ZNF678: variants seen among roughly 807,000 people sequenced by gnomAD.
ZNF678 encodes zinc finger protein 678, also known as hypothetical protein MGC42493.
A neutral mutation model predicts 3.0 loss-of-function variants in ZNF678; 5 were observed. That is an observed-to-expected ratio of 1.69 (90% confidence interval 0.88 to 3.56). The LOEUF (loss-of-function observed/expected upper bound fraction) is 3.56, where lower values mean the gene tolerates loss of function less well. ZNF678 is among the 30% of genes most tolerant of loss of function. The pLI is 0.00. For synonymous variants in ZNF678, 218 were observed against 199.6 expected (o/e 1.09, Z -0.78); for missense variants, 593 against 605.0 (o/e 0.98, Z 0.21).
Position 227,660,786 on chromosome 1 carries a change from T to G in ZNF678, c.*4958T>G, listed in dbSNP as rs765046784. 8 of 152,288 alleles carry G rather than the reference T, an allele frequency of 5.3e-5. No homozygotes were observed. Among genetic ancestry groups the G allele is most frequent in the East Asian group, 3.9e-4 (2 of 5,182 alleles). 9.4% of individuals were successfully genotyped at this position (152,288 alleles called of 1,614,324 possible). A position where few individuals can be genotyped will look rare whatever the true frequency, so the allele number is the denominator to read the frequency against. On this transcript the variant is annotated 3_prime_UTR_variant, in exon 4 of 4. Transcript: ENST00000343776. ...GATATATTTGCCTTACTATAACTCT[T>G]AGAAAAAAGGCTTACAACTTTTGAA... is the stretch of plus-strand genomic sequence containing the variant.
rs1657989652 is a variant in ZNF678, at chr1:227,610,491, C to T, written c.-163-36053C>T. 2.6e-5 allele frequency among the ~76,000 whole-genome samples: 4 copies of T among 152,322 alleles called. No individual in the cohort carries two copies. In the South Asian group the frequency reaches 8.3e-4, roughly 32 times the overall value. Reference sequence around the variant, plus strand: ...TGATCATAGGTTACTCTGATTTCCACATACCCAGTGTAGTTCACCAGTCTT... The same window carrying T: ...TGATCATAGGTTACTCTGATTTCCATATACCCAGTGTAGTTCACCAGTCTT... On this transcript the variant is annotated intron_variant, in intron 1 of 3. Coordinates refer to ENST00000343776, the MANE Select transcript of ZNF678 (RefSeq NM_001367909.1).
intron 1 of ZNF678, among the ~76,000 whole-genome samples, chr1:227,634,193 G>T (rs1321907054): frequency 2.0e-5 from 3 of 152,174 alleles, no homozygotes; most frequent in African/African-American, 7.2e-5. Context: ...TAACTAAAGA[G>T]CCCTTGGGTC....
At chr1:227,575,039 T>G (rs1303881222) in intron 1 of ZNF678, among the ~76,000 whole-genome samples, 1 of 152,134 alleles carries the variant, frequency 6.6e-6, no homozygotes, top group Non-Finnish European at 1.5e-5. Flanking sequence ...TTGTCGAAGA[T>G]CAAATAGTTG....
intron 1 of ZNF678, among the ~76,000 whole-genome samples, chr1:227,620,169 G>A (rs1178344475): frequency 6.6e-6 from 1 of 152,060 alleles, no homozygotes; most frequent in African/African-American, 2.4e-5. Flanking sequence ...GAGCCACCCT[G>A]GGCTACATTT....
intron 1 of ZNF678, among the ~76,000 whole-genome samples, chr1:227,639,240 C>T (rs1571906050): frequency 6.6e-6 from 1 of 152,328 alleles, no homozygotes; most frequent in South Asian, 2.1e-4. Context: ...AGGTGCCAGC[C>T]AGGTGGAGGT....
intron 1 of ZNF678, among the ~76,000 whole-genome samples, chr1:227,593,428 C>T (rs374861427): frequency 1.0e-3 from 156 of 152,194 alleles, no homozygotes; most frequent in African/African-American, 3.6e-3. Context: ...CCATCCTTGC[C>T]CTTTAGTGGT....
At chr1:227,578,294 T>C (rs774621923) in intron 1 of ZNF678, among the ~76,000 whole-genome samples, 2 of 152,256 alleles carry the variant, frequency 1.3e-5, no homozygotes, top group Non-Finnish European at 2.9e-5. Flanking sequence ...TCTAGCTATG[T>C]TGGGAAAGTT....
downstream of ZNF678, chr1:227,662,519 C>T (rs1372999427): frequency 4.6e-5 from 7 of 152,186 alleles, no homozygotes; most frequent in Admixed American, 2.0e-4. Context: ...AGCAGTTTCT[C>T]ACCTGGCAAA....
At chr1:227,580,540 C>T (rs1198780025) in intron 1 of ZNF678, among the ~76,000 whole-genome samples, 2 of 152,058 alleles carry the variant, frequency 1.3e-5, no homozygotes, top group Non-Finnish European at 2.9e-5. Flanking sequence ...TTCCTTGAGT[C>T]TCTAGTCTTT....
At chr1:227,573,939 C>T (rs1656922227) in intron 1 of ZNF678, among the ~76,000 whole-genome samples, 1 of 152,060 alleles carries the variant, frequency 6.6e-6, no homozygotes, top group Non-Finnish European at 1.5e-5. Context: ...TTTTCTGTTC[C>T]TGTGTTATTT....
Position 227,654,741 on chromosome 1 carries a change from G to T in ZNF678, c.491G>T (p.Trp164Leu), listed in dbSNP as rs1232038213. 6.2e-7 allele frequency: 1 copy of T among 1,609,818 alleles called. No homozygotes were observed. Among genetic ancestry groups the T allele is most frequent in the South Asian group, 1.1e-5 (1 of 90,668 alleles). Residue 164 changes from tryptophan (W) to leucine (L), a missense_variant, in exon 4 of 4, where the codon TGG (tryptophan) becomes TTG (leucine). Transcript: ENST00000343776. ...KCDECGKVFN[W>L]WSQLTNHKKI... is the part of the protein sequence containing the mutation. ...GACGAATGTGGCAAAGTTTTTAATT[G>T]GTGGTCACAACTAACTAACCATAAG...
chr1:227,592,276 T>C (rs1657436528), intron 1 of ZNF678, among the ~76,000 whole-genome samples: 1 of 152,238 alleles, frequency 6.6e-6, no homozygotes. Context: ...TTTATTAAAG[T>C]CACCACAGCA....
intron 1 of ZNF678, among the ~76,000 whole-genome samples, chr1:227,578,219 G>A (rs1285018292): frequency 6.6e-6 from 1 of 152,108 alleles, no homozygotes; most frequent in African/African-American, 2.4e-5. Flanking sequence ...ATGTCTTAAA[G>A]ATGATCTTGT....
intron 5 of ZNF678, among the ~76,000 whole-genome samples, chr1:227,667,581 T>C (rs751986812): frequency 2.6e-5 from 4 of 152,224 alleles, no homozygotes; most frequent in Non-Finnish European, 5.9e-5. Flanking sequence ...AGGAATTTTC[T>C]CCTGGGAATG....
At chr1:227,674,671 T>C (rs542226717) in intron 5 of ZNF678, among the ~76,000 whole-genome samples, 1 of 151,764 alleles carries the variant, frequency 6.6e-6, no homozygotes, top group East Asian at 1.9e-4. Context: ...GGCATGATCT[T>C]GGCTCACTGC....
intron 1 of ZNF678, among the ~76,000 whole-genome samples, chr1:227,639,508 G>T (rs984241540): frequency 3.7e-4 from 57 of 152,314 alleles, no homozygotes; most frequent in African/African-American, 1.3e-3. Context: ...GGTTCCTTCT[G>T]GCCTGATTGG....
intron 1 of ZNF678, chr1:227,599,215 TG>T: frequency 1.2e-6 from 1 of 856,068 alleles, no homozygotes; most frequent in East Asian, 2.9e-5. Context: ...TTCAGGTTTT[TG>T]TTTTTGTTTT....
chr1:227,626,105 A>G (rs1246731802), intron 1 of ZNF678, among the ~76,000 whole-genome samples: 2 of 152,178 alleles, frequency 1.3e-5, no homozygotes, highest in Non-Finnish European at 2.9e-5. Flanking sequence ...GTACAGCAGC[A>G]TGGAGGAGGT....
At chr1:227,599,455 G>A (rs1657678820) in intron 1 of ZNF678, among the ~76,000 whole-genome samples, 1 of 152,078 alleles carries the variant, frequency 6.6e-6, no homozygotes, top group Admixed American at 6.5e-5. Flanking sequence ...ATCTTTGAAA[G>A]CAACAGATAT....
Sources: gnomAD v4.1 joint callset for allele counts (sites outside exome capture counted in the v4.1 genomes callset) on GRCh38, gnomAD v4.1.1 for gene constraint, MANE v1.5 for transcripts, NCBI Gene and HGNC (gene_info 2026-07-23, HGNC 2026-07-21) for gene names.